Variants in MYO3B observed in about 807,000 individuals in gnomAD.
MYO3B encodes the protein myosin IIIB, also known as myosin-IIIb.
In MYO3B, 156 loss-of-function variants were observed where a neutral mutation model predicts 174.6. The ratio of observed to expected loss-of-function variants is 0.89; its 90% CI spans 0.78 to 1.02. The LOEUF is 1.02. Ranked by LOEUF, MYO3B falls within the 50% of genes least tolerant of loss-of-function variation. MYO3B has a pLI of 0.00. For synonymous variants in MYO3B, 563 were observed against 569.1 expected (o/e 0.99, Z 0.15); for missense variants, 1,632 against 1,639.4 (o/e 1.00, Z 0.08).
intron 25 of MYO3B, among the ~76,000 whole-genome samples, chr2:170,494,824 A>G (rs1686749670): frequency 6.6e-6 from 1 of 152,072 alleles, no homozygotes; most frequent in Non-Finnish European, 1.5e-5. Context: ...TTGTGTTAAG[A>G]GCATTTTCCA....
At chr2:170,181,317 A>G (rs1405438930) in intron 1 of MYO3B, among the ~76,000 whole-genome samples, 2 of 152,168 alleles carry the variant, frequency 1.3e-5, no homozygotes, top group South Asian at 2.1e-4. Flanking sequence ...TAAACTCACT[A>G]ATTAGTTCTA....
chr2:170,302,844 T>C (rs2093674719), intron 7 of MYO3B, among the ~76,000 whole-genome samples: 1 of 152,228 alleles, frequency 6.6e-6, no homozygotes, highest in Non-Finnish European at 1.5e-5. Flanking sequence ...GAGGCAAGGA[T>C]GCAGGCAGTT....
intron 7 of MYO3B, among the ~76,000 whole-genome samples, chr2:170,305,285 T>C (rs2093693650): frequency 1.3e-5 from 2 of 152,312 alleles, no homozygotes; most frequent in South Asian, 4.1e-4. Context: ...CACATAGATA[T>C]GCTTCTCTAC....
chr2:170,459,695 G>A (rs79853232), intron 23 of MYO3B, among the ~76,000 whole-genome samples: 6,373 of 152,188 alleles, frequency 0.042, 252 homozygotes, highest in East Asian at 0.2. Context: ...GCCCGTCGAG[G>A]AGGCTCAAGG....
At chr2:170,298,536 G>A (rs1030216588) in intron 7 of MYO3B, among the ~76,000 whole-genome samples, 1 of 151,860 alleles carries the variant, frequency 6.6e-6, no homozygotes, top group African/African-American at 2.4e-5. Flanking sequence ...TTAGCCTGGT[G>A]TGCTGGCGGG....
Position 170,586,898 on chromosome 2 carries a change from A to G in MYO3B, c.3733+42910A>G, listed in dbSNP as rs138741869. Among the ~76,000 whole-genome samples the G allele has an allele frequency of 6.5e-4, 99 of 152,374 alleles. No individual in the cohort carries two copies. In the East Asian group the frequency reaches 0.017, roughly 26 times the overall value. On this transcript the variant is annotated intron_variant, in intron 32 of 34. Coordinates refer to ENST00000408978, the MANE Select transcript of MYO3B (RefSeq NM_138995.5). The stretch of plus-strand genomic sequence containing the variant: ...AGAACATAATTCTTCCAGAACTTCT[A>G]CTTTGACAATTGATTATCCAAATAT...
intron 23 of MYO3B, 56 bp downstream of exon 23, chr2:170,444,102 G>C: frequency 6.7e-7 from 1 of 1,487,724 alleles, no homozygotes; most frequent in East Asian, 2.3e-5. Context: ...TCTTGACCCA[G>C]GGATAATCTT....
At chr2:170,289,629 T>C (rs1263095290) in intron 7 of MYO3B, among the ~76,000 whole-genome samples, 3 of 152,028 alleles carry the variant, frequency 2.0e-5, no homozygotes, top group African/African-American at 7.2e-5. Flanking sequence ...GGTTTGTCAA[T>C]TTTTTTATCT....
At chr2:170,597,372 G>GAAAA (rs1045370668) in intron 32 of MYO3B, among the ~76,000 whole-genome samples, 1 of 61,334 alleles carries the variant, frequency 1.6e-5, no homozygotes, top group Non-Finnish European at 3.7e-5. Context: ...CATCTCAAAA[G>GAAAA]AAAAAAAAAA....
intron 22 of MYO3B, among the ~76,000 whole-genome samples, chr2:170,420,396 G>C (rs151180467): frequency 3.3e-5 from 5 of 152,270 alleles, no homozygotes; most frequent in Admixed American, 6.5e-5. Flanking sequence ...ATTACCCACA[G>C]AGAACTGAGA....
At chr2:170,289,369 A>C (rs2093579816) in intron 7 of MYO3B, among the ~76,000 whole-genome samples, 1 of 152,016 alleles carries the variant, frequency 6.6e-6, no homozygotes, top group Non-Finnish European at 1.5e-5. Flanking sequence ...GGGAAACTTT[A>C]TTACAGCCTT....
intron 1 of MYO3B, among the ~76,000 whole-genome samples, chr2:170,180,701 T>A (rs1481802090): frequency 6.6e-6 from 1 of 152,202 alleles, no homozygotes; most frequent in Admixed American, 6.5e-5. Flanking sequence ...CCAAACTCTC[T>A]GATTTTTACC....
At chr2:170,371,009 G>T (rs1305005101) in intron 9 of MYO3B, among the ~76,000 whole-genome samples, 1 of 151,632 alleles carries the variant, frequency 6.6e-6, no homozygotes, top group Non-Finnish European at 1.5e-5. Context: ...ACAAGGTCAG[G>T]AGTTTGAGAA....
intron 32 of MYO3B, among the ~76,000 whole-genome samples, chr2:170,605,932 C>T (rs1694780574): frequency 1.3e-5 from 2 of 152,104 alleles, no homozygotes; most frequent in South Asian, 4.2e-4. Flanking sequence ...TTGCTGGTCT[C>T]CTTTCCCTCA....
chr2:170,645,747 G>T (rs559814158), intron 32 of MYO3B, among the ~76,000 whole-genome samples: 2 of 152,204 alleles, frequency 1.3e-5, no homozygotes, highest in South Asian at 4.1e-4. Context: ...ATTTTCAAGG[G>T]AAAAATCATG....
chr2:170,389,754 C>T (rs1170218351), intron 14 of MYO3B, among the ~76,000 whole-genome samples: 2 of 152,174 alleles, frequency 1.3e-5, no homozygotes, highest in Non-Finnish European at 2.9e-5. Flanking sequence ...ACTAGATGCT[C>T]AAGCTAGAAA....
intron 32 of MYO3B, among the ~76,000 whole-genome samples, chr2:170,617,251 G>A (rs1695519091): frequency 6.6e-6 from 1 of 152,144 alleles, no homozygotes; most frequent in East Asian, 1.9e-4. Context: ...ATAGAATATT[G>A]TTAATAACAT....
intron 32 of MYO3B, among the ~76,000 whole-genome samples, chr2:170,630,913 C>A (rs1347595317): frequency 6.6e-6 from 1 of 152,218 alleles, no homozygotes; most frequent in African/African-American, 2.4e-5. Flanking sequence ...TCACCATCAT[C>A]AAAGACCAAA....
chr2:170,213,741 CAAAA>C (rs1247671556), intron 3 of MYO3B, among the ~76,000 whole-genome samples: 3 of 152,136 alleles, frequency 2.0e-5, no homozygotes, highest in South Asian at 2.1e-4. Flanking sequence ...TAATTACAGA[CAAAA>C]AAGAGAGAAG....
Sources: allele counts gnomAD v4.1 joint callset (sites outside exome capture counted in the v4.1 genomes callset), GRCh38; gene constraint gnomAD v4.1.1; transcripts MANE v1.5; gene names NCBI Gene and HGNC (gene_info 2026-07-23, HGNC 2026-07-21).